Variants in GLS2 observed in about 807,000 individuals in gnomAD.
GLS2 encodes the protein glutaminase liver isoform, mitochondrial.
A neutral mutation model predicts 79.0 loss-of-function variants in GLS2; 52 were observed. The observed-to-expected ratio is 0.66, with a 90% CI of 0.53 to 0.83. The LOEUF (loss-of-function observed/expected upper bound fraction) is 0.83, where lower values mean the gene tolerates loss of function less well. Among genes scored for constraint, GLS2 ranks in the 40% least tolerant of loss-of-function variants. The probability of loss-of-function intolerance (pLI) is 0.00; values close to 1 mark genes in which losing one functional copy is unlikely to be tolerated. For synonymous variants in GLS2, 238 were observed against 280.8 expected (o/e 0.85, Z 1.52); for missense variants, 561 against 764.8 (o/e 0.73, Z 3.14).
In GLS2 at chr12:56,472,507, A is replaced by G. The variant is rs1869375463; in HGVS notation, c.1511+183T>C. Reference sequence around the variant, plus strand: ...ATAACAATGGCTAACATTAATTATCATAGAGCAGACAGTTTACTTTTTTTA... The same window carrying G: ...ATAACAATGGCTAACATTAATTATCGTAGAGCAGACAGTTTACTTTTTTTA... On this transcript the variant is annotated intron_variant, in intron 15 of 17. Coordinates refer to ENST00000311966, the MANE Select transcript of GLS2 (RefSeq NM_013267.4). 9.6e-6 allele frequency: 6 copies of G among 625,200 alleles called. No individual in the cohort carries two copies. In the Admixed American group the frequency reaches 1.8e-4, roughly 18 times the overall value. 38.7% of individuals were successfully genotyped at this position (625,200 alleles called of 1,614,324 possible). A position where few individuals can be genotyped will look rare whatever the true frequency, so the allele number is the denominator to read the frequency against.
At chr12:56,486,215 T>A (rs959753760) in intron 1 of GLS2, among the ~76,000 whole-genome samples, 14 of 152,026 alleles carry the variant, frequency 9.2e-5, no homozygotes, top group African/African-American at 3.4e-4. Flanking sequence ...GGAGCACCAG[T>A]CCGAGGATAT....
Position 56,478,108 on chromosome 12 carries a change from C to G in GLS2, c.615-12G>C. On this transcript the variant is annotated splice_polypyrimidine_tract_variant and intron_variant, in intron 5 of 17. Coordinates refer to ENST00000311966, the MANE Select transcript of GLS2 (RefSeq NM_013267.4). ...GGCCCACAGAGTGCCTGGAGGCAGA[C>G]AGATGCCATGAAAGGGGTTGGCCTG... 1.2e-6 allele frequency: 2 copies of G among 1,613,962 alleles called. No individual in the cohort carries two copies. Among genetic ancestry groups the G allele is most frequent in the South Asian group, 2.2e-5 (2 of 91,064 alleles).
At chr12:56,487,738 G>A (rs1870803318) in intron 1 of GLS2, 199 bp downstream of exon 1, 1 of 632,916 alleles carries the variant, frequency 1.6e-6, no homozygotes, top group Non-Finnish European at 2.6e-6. Flanking sequence ...TTGCCCGAAC[G>A]CACTCCTAGG....
intron 1 of GLS2, among the ~76,000 whole-genome samples, chr12:56,482,758 A>G (rs1349212967): frequency 6.6e-6 from 1 of 152,178 alleles, no homozygotes; most frequent in Non-Finnish European, 1.5e-5. Flanking sequence ...AAATATTTAG[A>G]AGAGTTATTG....
intron 12 of GLS2, 38 bp downstream of exon 12, chr12:56,474,505 TG>T: frequency 2.5e-6 from 4 of 1,610,460 alleles, no homozygotes; most frequent in Non-Finnish European, 3.4e-6. Flanking sequence ...TTCTTAGCAC[TG>T]GGCTCATGAC....
At chr12:56,471,922 G>T in intron 16 of GLS2, 86 bp from the exon 17 acceptor site, 1 of 1,435,482 alleles carries the variant, frequency 7.0e-7, no homozygotes, top group Non-Finnish European at 9.8e-7. Context: ...TCTTTACCAA[G>T]AGGGGAGGGG....
At chr12:56,475,369 A>G in intron 9 of GLS2, 1 of 951,922 alleles carries the variant, frequency 1.1e-6, no homozygotes, top group Non-Finnish European at 1.5e-6. Flanking sequence ...TTTGGCTTTG[A>G]AAGTCTTGGC....
At chr12:56,477,612 C>T (rs1193888440) in intron 7 of GLS2, 48 bp downstream of exon 7, 7 of 1,561,158 alleles carry the variant, frequency 4.5e-6, no homozygotes, top group Non-Finnish European at 6.1e-6. Context: ...TACAGGAACA[C>T]AGGAGCTTAG....
chr12:56,477,880 G>A, intron 6 of GLS2, 53 bp downstream of exon 6: 1 of 1,580,822 alleles, frequency 6.3e-7, no homozygotes, highest in Non-Finnish European at 8.6e-7. Flanking sequence ...ATGGGGTGGG[G>A]ATAAGGAGAA....
intron 6 of GLS2, 99 bp downstream of exon 6, chr12:56,477,834 A>T: frequency 6.5e-7 from 1 of 1,541,734 alleles, no homozygotes; most frequent in Non-Finnish European, 8.8e-7. Flanking sequence ...TGACAGGGCT[A>T]ATCAGGAAGG....
chr12:56,481,971 C>A (rs1870337198), intron 1 of GLS2, among the ~76,000 whole-genome samples: 1 of 151,966 alleles, frequency 6.6e-6, no homozygotes, highest in South Asian at 2.1e-4. Flanking sequence ...TGGTTCACAC[C>A]TGTAATCCCA....
chr12:56,472,663 G>T, intron 15 of GLS2, 27 bp downstream of exon 15: 2 of 1,601,044 alleles, frequency 1.2e-6, no homozygotes, highest in Non-Finnish European at 1.7e-6. Flanking sequence ...GTATTTTATT[G>T]TGTATATTTG....
At chr12:56,472,400 A>G in intron 15 of GLS2, 1 of 610,668 alleles carries the variant, frequency 1.6e-6, no homozygotes, top group Non-Finnish European at 2.9e-6. Context: ...ATCCTTCCAG[A>G]AATATCACTC....
intron 1 of GLS2, among the ~76,000 whole-genome samples, chr12:56,484,863 T>G (rs1870561619): frequency 6.6e-6 from 1 of 152,178 alleles, no homozygotes; most frequent in Admixed American, 6.5e-5. Flanking sequence ...AAAGGTAAAG[T>G]AGTATCAGCA....
In GLS2 at chr12:56,478,023, T is replaced by C; in HGVS notation, c.688A>G (p.Ile230Val). 6.2e-7 allele frequency: 1 copy of C among 1,614,212 alleles called. No homozygotes were observed. The highest frequency in any genetic ancestry group is 8.5e-7 in the Non-Finnish European group (1 of 1,180,020). Residue 230 changes from isoleucine (I) to valine (V), a missense_variant, in exon 6 of 18, where the codon ATA (isoleucine) becomes GTA (valine). Transcript: ENST00000311966. ...CVKPLTYAISISTLGTDYVHK... is the reference protein window; with the variant it reads ...CVKPLTYAISVSTLGTDYVHK... ...ACGTAGTCAGTGCCTAGGGTGCTTA[T>C]GGAGATGGCATAGGTGAGGGGCTTC...
In GLS2 at chr12:56,488,020, G is replaced by A; in HGVS notation, c.99C>T (p.Gly33=). The A allele has an allele frequency of 1.3e-6, 2 of 1,597,534 alleles. No homozygotes were observed. The highest frequency in any genetic ancestry group is 1.3e-5 in the African/African-American group (1 of 74,934). Residue 33 remains glycine (G), a synonymous_variant, in exon 1 of 18, where the codon GGC becomes GGT. Coordinates refer to ENST00000311966, the MANE Select transcript of GLS2 (RefSeq NM_013267.4). ...CACTGAGGTGGTGCCGGACGCCCCC[G>A]CCAAGGAGGGGGCTCCGGCTCGGGT... ...WGHPSRSPLL[G]GGVRHHLSEA...
chr12:56,473,842 G>C (rs1038588032), intron 12 of GLS2: 3 of 420,070 alleles, frequency 7.1e-6, no homozygotes, highest in Non-Finnish European at 1.3e-5. Context: ...CTAGAACTAG[G>C]AACTTCCATT....
In GLS2 at chr12:56,478,207, G is replaced by C; in HGVS notation, c.590C>G (p.Ser197Cys). 1 of 1,614,228 alleles carries C rather than the reference G, an allele frequency of 6.2e-7. No homozygotes were observed. The highest frequency in any genetic ancestry group is 1.3e-5 in the African/African-American group (1 of 75,054). Residue 197 changes from serine to cysteine, a missense_variant, in exon 5 of 18, where the codon TCC (serine) becomes TGC (cysteine). Transcript: ENST00000311966. ...AKSNPDLWGV[S>C]LCTVDGQRHS... ...CCGTTGACCATCCACAGTGCACAGGGAGACACCCCACAGGTCTGGGTTTGA... is the reference window on the plus strand; with the variant it reads ...CCGTTGACCATCCACAGTGCACAGGCAGACACCCCACAGGTCTGGGTTTGA...
At chr12:56,475,308 C>A in intron 9 of GLS2, 198 bp from the exon 10 acceptor site, 3 of 1,364,242 alleles carry the variant, frequency 2.2e-6, no homozygotes, top group Non-Finnish European at 3.0e-6. Context: ...TAAAGTAAAC[C>A]CAAACCAAAC....
Sources: allele counts gnomAD v4.1 joint callset (sites outside exome capture counted in the v4.1 genomes callset), GRCh38; gene constraint gnomAD v4.1.1; transcripts MANE v1.5; gene names NCBI Gene and HGNC (gene_info 2026-07-23, HGNC 2026-07-21).